Variants in DKK2 observed in about 807,000 individuals in gnomAD.
DKK2 encodes the protein dickkopf-related protein 2.
Under a neutral mutation model 28.1 loss-of-function variants are expected in DKK2, and 11 were observed. The observed-to-expected ratio is 0.39, with a 90% CI of 0.25 to 0.65. The LOEUF is 0.65. Among genes scored for constraint, DKK2 ranks in the 30% least tolerant of loss-of-function variants. The pLI is 0.47. For missense variants in DKK2, 326 were observed against 335.5 expected, an observed-to-expected ratio of 0.97 and a Z score of 0.22; for synonymous variants, 135 against 126.5, an observed-to-expected ratio of 1.07 and a Z score of -0.45.
intron 1 of DKK2, among the ~76,000 whole-genome samples, chr4:107,007,835 T>C (rs1723458632): frequency 6.6e-6 from 1 of 152,166 alleles, no homozygotes; most frequent in South Asian, 2.1e-4. Context: ...GTCATAAGTG[T>C]ATATACATAA....
At chr4:106,978,373 G>A (rs1215391851) in intron 1 of DKK2, among the ~76,000 whole-genome samples, 1 of 152,196 alleles carries the variant, frequency 6.6e-6, no homozygotes, top group African/African-American at 2.4e-5. Flanking sequence ...CTATCCCAGG[G>A]AGATGAGAGT....
chr4:106,964,794 A>G (rs1722743008), intron 1 of DKK2, among the ~76,000 whole-genome samples: 1 of 152,174 alleles, frequency 6.6e-6, no homozygotes, highest in Non-Finnish European at 1.5e-5. Flanking sequence ...AGAGAAGTAG[A>G]AATTCTGACT....
At chr4:107,021,573 G>A (rs1723692338) in intron 1 of DKK2, among the ~76,000 whole-genome samples, 1 of 151,926 alleles carries the variant, frequency 6.6e-6, no homozygotes, top group South Asian at 2.1e-4. Context: ...CCACTTTACT[G>A]ACATCTCTCC....
intron 1 of DKK2, among the ~76,000 whole-genome samples, chr4:107,025,658 C>A (rs572035860): frequency 6.6e-6 from 1 of 152,176 alleles, no homozygotes; most frequent in Non-Finnish European, 1.5e-5. Context: ...GACTTTCCAG[C>A]CAGGCTTCTT....
At chr4:106,963,643 A>G (rs1266927308) in intron 1 of DKK2, among the ~76,000 whole-genome samples, 1 of 152,098 alleles carries the variant, frequency 6.6e-6, no homozygotes, top group Non-Finnish European at 1.5e-5. Context: ...AAAACCTAAA[A>G]ATAAAACTAT....
chr4:107,032,222 C>T (rs1425885412), intron 1 of DKK2, among the ~76,000 whole-genome samples: 1 of 151,994 alleles, frequency 6.6e-6, no homozygotes, highest in Admixed American at 6.5e-5. Flanking sequence ...AATACTATCA[C>T]TCTCAATTTC....
intron 1 of DKK2, among the ~76,000 whole-genome samples, chr4:107,000,217 AT>A (rs1294472412): frequency 4.0e-5 from 6 of 151,822 alleles, no homozygotes; most frequent in Non-Finnish European, 5.9e-5. Context: ...TGGTAATTTT[AT>A]TTTTTTTGCT....
intron 1 of DKK2, among the ~76,000 whole-genome samples, chr4:107,032,875 T>C (rs1481070925): frequency 6.6e-6 from 1 of 152,162 alleles, no homozygotes; most frequent in East Asian, 1.9e-4. Context: ...TCTAGAGTTT[T>C]TCTCTACAAA....
At chr4:106,936,905 C>G (rs1724598367) in intron 1 of DKK2, among the ~76,000 whole-genome samples, 1 of 151,350 alleles carries the variant, frequency 6.6e-6, no homozygotes, top group Non-Finnish European at 1.5e-5. Flanking sequence ...ACTTTACAGA[C>G]AAGCAAATGC....
intron 1 of DKK2, among the ~76,000 whole-genome samples, chr4:106,944,334 T>C (rs1424091742): frequency 6.6e-6 from 1 of 152,136 alleles, no homozygotes; most frequent in Non-Finnish European, 1.5e-5. Flanking sequence ...TGAAACCTCA[T>C]GGCATGTTCG....
chr4:106,961,565 GCACACACACA>G (rs34597899), intron 1 of DKK2, among the ~76,000 whole-genome samples: 10 of 136,242 alleles, frequency 7.3e-5, no homozygotes, highest in African/African-American at 1.4e-4. Context: ...CCAACAGCCT[GCACACACACA>G]CACACACACA....
At chr4:107,011,509 G>A (rs1723517168) in intron 1 of DKK2, among the ~76,000 whole-genome samples, 1 of 151,648 alleles carries the variant, frequency 6.6e-6, no homozygotes, top group Admixed American at 6.6e-5. Context: ...CCAGCTTGCA[G>A]CTGAAGTATT....
At chr4:107,032,739 A>G (rs114514024) in intron 1 of DKK2, among the ~76,000 whole-genome samples, 1,854 of 152,266 alleles carry the variant, frequency 0.012, 33 homozygotes, top group African/African-American at 0.042. Context: ...GGGGAAATAA[A>G]ACTTATTAGG....
At chr4:106,993,367 A>G (rs1723230700) in intron 1 of DKK2, among the ~76,000 whole-genome samples, 1 of 152,226 alleles carries the variant, frequency 6.6e-6, no homozygotes, top group South Asian at 2.1e-4. Flanking sequence ...AGGTTTCCCA[A>G]TTAACCCACT....
chr4:106,965,524 T>C (rs896530689), intron 1 of DKK2, among the ~76,000 whole-genome samples: 3 of 152,174 alleles, frequency 2.0e-5, no homozygotes, highest in Non-Finnish European at 4.4e-5. Context: ...TTCTGTTTAA[T>C]TCCAAAGAAT....
chr4:106,949,599 C>G (rs28594518), intron 1 of DKK2, among the ~76,000 whole-genome samples: 11 of 152,156 alleles, frequency 7.2e-5, no homozygotes, highest in African/African-American at 2.7e-4. Flanking sequence ...AGTCCTGACT[C>G]TACCATCAAT....
intron 1 of DKK2, among the ~76,000 whole-genome samples, chr4:106,944,499 C>G (rs113985790): frequency 0.023 from 3,469 of 152,088 alleles, 142 homozygotes; most frequent in African/African-American, 0.08. Context: ...ATACCCTGAT[C>G]CCAGGTTTAA....
intron 1 of DKK2, among the ~76,000 whole-genome samples, chr4:106,968,938 T>G (rs957769920): frequency 6.6e-6 from 1 of 152,060 alleles, no homozygotes; most frequent in Non-Finnish European, 1.5e-5. Flanking sequence ...GTGTTGCTAG[T>G]TTGGATTTCA....
chr4:106,951,357 C>G (rs938554168), intron 1 of DKK2, among the ~76,000 whole-genome samples: 1 of 152,010 alleles, frequency 6.6e-6, no homozygotes, highest in Admixed American at 6.6e-5. Context: ...GAAAAGAAAT[C>G]GATATATCAA....
Sources: gnomAD v4.1 joint callset for allele counts (sites outside exome capture counted in the v4.1 genomes callset) on GRCh38, gnomAD v4.1.1 for gene constraint, MANE v1.5 for transcripts, NCBI Gene and HGNC (gene_info 2026-07-23, HGNC 2026-07-21) for gene names.